Variants in SDK1 observed in about 807,000 individuals in gnomAD.
SDK1 encodes protein sidekick-1.
Under a neutral mutation model 245.5 loss-of-function variants are expected in SDK1, and 157 were observed. That is an observed-to-expected ratio of 0.64 (90% CI 0.56 to 0.73). The LOEUF (loss-of-function observed/expected upper bound fraction) is 0.73. SDK1 is among the 30% of genes least tolerant of loss of function. The probability of loss-of-function intolerance (pLI) is 0.00; values close to 1 mark genes in which losing one functional copy is unlikely to be tolerated. For missense variants in SDK1, 3,583 were observed against 3,002.3 expected, an observed-to-expected ratio of 1.19 and a Z score of -4.52; for synonymous variants, 1,647 against 1,278.5, an observed-to-expected ratio of 1.29 and a Z score of -6.15.
intron 1 of SDK1, among the ~76,000 whole-genome samples, chr7:3,303,472 TTA>T (rs1229490393): frequency 1.3e-5 from 2 of 152,254 alleles, no homozygotes; most frequent in East Asian, 3.8e-4. Context: ...TTTCAAGTTT[TTA>T]TCAGTTGCAC....
At chr7:3,365,717 C>T (rs925086448) in intron 1 of SDK1, among the ~76,000 whole-genome samples, 1 of 152,178 alleles carries the variant, frequency 6.6e-6, no homozygotes, top group African/African-American at 2.4e-5. Flanking sequence ...AGACAGAACA[C>T]TGACTTTAGA....
intron 4 of SDK1, among the ~76,000 whole-genome samples, chr7:3,703,673 C>A (rs973311963): frequency 6.6e-6 from 1 of 152,094 alleles, no homozygotes; most frequent in Non-Finnish European, 1.5e-5. Context: ...GTAAAGGGCG[C>A]CTGATTTTCT....
chr7:4,207,710 A>T (rs1045474062), intron 36 of SDK1, among the ~76,000 whole-genome samples: 10 of 151,918 alleles, frequency 6.6e-5, no homozygotes, highest in African/African-American at 1.9e-4. Context: ...GATGGGGGAG[A>T]GGGAGAGGCC....
intron 5 of SDK1, among the ~76,000 whole-genome samples, chr7:3,918,895 C>G (rs1779487153): frequency 6.6e-6 from 1 of 152,142 alleles, no homozygotes; most frequent in Non-Finnish European, 1.5e-5. Context: ...CATATTCGTG[C>G]CACTTGCAGT....
intron 1 of SDK1, among the ~76,000 whole-genome samples, chr7:3,331,282 CA>C (rs1291873938): frequency 6.6e-6 from 1 of 152,002 alleles, no homozygotes; most frequent in Non-Finnish European, 1.5e-5. Flanking sequence ...AAACAAAAAA[CA>C]AAACACCCAG....
At chr7:3,652,104 T>C (rs1783030071) in intron 4 of SDK1, among the ~76,000 whole-genome samples, 1 of 152,186 alleles carries the variant, frequency 6.6e-6, no homozygotes, top group East Asian at 1.9e-4. Flanking sequence ...AATTGGAGTG[T>C]TTAAATATTT....
chr7:3,829,689 G>C (rs937281726), intron 5 of SDK1, among the ~76,000 whole-genome samples: 2 of 152,198 alleles, frequency 1.3e-5, no homozygotes, highest in African/African-American at 4.8e-5. Context: ...CTTGGGAGGA[G>C]GCCATCCAGC....
intron 31 of SDK1, among the ~76,000 whole-genome samples, chr7:4,159,403 G>C (rs1208945504): frequency 1.3e-5 from 2 of 152,194 alleles, no homozygotes; most frequent in Non-Finnish European, 2.9e-5. Flanking sequence ...AACTCACAGA[G>C]GCTGTTTTGC....
intron 1 of SDK1, among the ~76,000 whole-genome samples, chr7:3,333,082 G>T (rs1245580465): frequency 1.3e-5 from 2 of 152,208 alleles, no homozygotes; most frequent in East Asian, 3.9e-4. Context: ...TTTGACTTTG[G>T]TATTCTCACA....
At chr7:3,610,623 T>C (rs946227474) in intron 1 of SDK1, among the ~76,000 whole-genome samples, 3 of 152,232 alleles carry the variant, frequency 2.0e-5, no homozygotes, top group Non-Finnish European at 4.4e-5. Context: ...TAGCCATATA[T>C]GTTTCTACCA....
chr7:3,421,366 G>A (rs1027276330), intron 1 of SDK1, among the ~76,000 whole-genome samples: 1 of 152,012 alleles, frequency 6.6e-6, no homozygotes, highest in African/African-American at 2.4e-5. Flanking sequence ...GCAAGCCACC[G>A]AGCCTGGCCT....
Position 3,995,975 on chromosome 7 carries a change from A to G in SDK1, c.2131+8653A>G, listed in dbSNP as rs188372843. Among the ~76,000 whole-genome samples, 594 of 152,148 alleles carry G rather than the reference A, an allele frequency of 3.9e-3. 2 individuals are homozygous for G. Among genetic ancestry groups the G allele is most frequent in the African/African-American group, 9.2e-3 (380 of 41,508 alleles). On this transcript the variant is annotated intron_variant, in intron 14 of 44. Coordinates refer to ENST00000404826, the MANE Select transcript of SDK1 (RefSeq NM_152744.4). ...GTCACTTCATTACTTTTGTGTTTGG[A>G]TATTTCAACACTCTCAAGCCTAAAA... is the stretch of plus-strand genomic sequence containing the variant.
intron 4 of SDK1, among the ~76,000 whole-genome samples, chr7:3,656,996 C>T (rs983879203): frequency 6.6e-6 from 1 of 152,108 alleles, no homozygotes; most frequent in Non-Finnish European, 1.5e-5. Flanking sequence ...ATCCACCCGC[C>T]TCGGCCTCCC....
chr7:3,795,278 G>C (rs1778934416), intron 4 of SDK1, among the ~76,000 whole-genome samples: 1 of 152,066 alleles, frequency 6.6e-6, no homozygotes, highest in South Asian at 2.1e-4. Context: ...CCCCCTTAGA[G>C]GCATGTTGGA....
At chr7:3,711,238 A>T (rs1056186949) in intron 4 of SDK1, among the ~76,000 whole-genome samples, 1 of 152,184 alleles carries the variant, frequency 6.6e-6, no homozygotes, top group African/African-American at 2.4e-5. Context: ...TTAAAGTGAG[A>T]ATAATCTTCT....
intron 9 of SDK1, among the ~76,000 whole-genome samples, chr7:3,965,724 G>C (rs1420398810): frequency 2.7e-5 from 4 of 150,398 alleles, no homozygotes; most frequent in Non-Finnish European, 5.9e-5. Flanking sequence ...CAGCCAGCCA[G>C]GGGTGCTGCA....
intron 22 of SDK1, among the ~76,000 whole-genome samples, chr7:4,107,822 G>A (rs1783044291): frequency 6.6e-6 from 1 of 152,142 alleles, no homozygotes; most frequent in Non-Finnish European, 1.5e-5. Context: ...CCTTCCCTCT[G>A]TGCTGTGGTG....
chr7:4,266,875 T>G lies in SDK1; in HGVS notation c.*1491T>G. 1.0e-6 allele frequency: 1 copy of G among 985,514 alleles called. No individual in the cohort carries two copies. The highest frequency in any genetic ancestry group is 1.2e-6 in the Non-Finnish European group (1 of 830,000). The allele number at this position is 985,514 out of a possible 1,614,324, so 61.0% of individuals were successfully genotyped here. A position where few individuals can be genotyped will look rare whatever the true frequency, so the allele number is the denominator to read the frequency against. Reference sequence around the variant, plus strand: ...AGACCACCCTGTCAGTGCCCCCCAGTGCACGGCAAACGGGCAGGTGCCGTT... The same window carrying G: ...AGACCACCCTGTCAGTGCCCCCCAGGGCACGGCAAACGGGCAGGTGCCGTT... On this transcript the variant is annotated 3_prime_UTR_variant, in exon 45 of 45. Transcript: ENST00000404826.
chr7:3,447,932 G>A (rs1027932877), intron 1 of SDK1, among the ~76,000 whole-genome samples: 12 of 151,492 alleles, frequency 7.9e-5, no homozygotes, highest in African/African-American at 2.2e-4. Flanking sequence ...TCGAATTCCC[G>A]AGCTCAGGTG....
Sources: allele counts gnomAD v4.1 joint callset (sites outside exome capture counted in the v4.1 genomes callset), GRCh38; gene constraint gnomAD v4.1.1; transcripts MANE v1.5; gene names NCBI Gene and HGNC (gene_info 2026-07-23, HGNC 2026-07-21).